Variants in CCT7 observed in about 807,000 individuals in gnomAD.
The protein encoded by CCT7 is T-complex protein 1 subunit eta.
Under a neutral mutation model 56.6 loss-of-function variants are expected in CCT7, and 16 were observed. The ratio of observed to expected loss-of-function variants is 0.28; its 90% CI spans 0.19 to 0.43. The LOEUF is 0.43. CCT7 is among the 20% of genes least tolerant of loss of function. CCT7 has a pLI of 1.00. For synonymous variants in CCT7, 262 were observed against 254.8 expected, an observed-to-expected ratio of 1.03 and a Z score of -0.27; for missense variants, 519 against 685.6, an observed-to-expected ratio of 0.76 and a Z score of 2.71.
At chr2:73,248,357 T>G in intron 7 of CCT7, among the ~76,000 whole-genome samples, 1 of 151,742 alleles carries the variant, frequency 6.6e-6, no homozygotes. Context: ...GGGTCTTTTT[T>G]TTTTTTCCTT....
Position 73,252,905 on chromosome 2 carries a change from C to G in CCT7, c.*44C>G. 2.7e-6 allele frequency: 4 copies of G among 1,456,416 alleles called. No individual in the cohort carries two copies. Among genetic ancestry groups the G allele is most frequent in the Non-Finnish European group, 3.8e-6 (4 of 1,045,738 alleles). 90.2% of individuals were successfully genotyped at this position (1,456,416 alleles called of 1,614,324 possible). On this transcript the variant is annotated 3_prime_UTR_variant, in exon 12 of 12. Coordinates refer to ENST00000258091, the MANE Select transcript of CCT7 (RefSeq NM_006429.4). ...CATGGCTGGCTGGCTGCTGGGTGCA[C>G]TTACCCTCCTTGGCTTGGTTACTTC...
At chr2:73,246,173 A>G (rs1378937027) in intron 6 of CCT7, among the ~76,000 whole-genome samples, 1 of 152,226 alleles carries the variant, frequency 6.6e-6, no homozygotes. Context: ...ACTTGTTACC[A>G]GGGTTAACTG....
At position 73,247,805 on chromosome 2, in the gene CCT7, C is replaced by T; in HGVS notation, c.662C>T (p.Ser221Phe). Residue 221 changes from serine to phenylalanine, a missense_variant, in exon 7 of 12, where the codon TCT (serine) becomes TTT (phenylalanine). By Grantham distance (155) the Ser-to-Phe change is radical. Transcript: ENST00000258091. ...GGTGTTGCATTCAAGAAGACTTTCT[C>T]TTACGCTGGGTTTGAAATGCAACCC... The part of the protein sequence containing the change: ...VAGVAFKKTF[S>F]YAGFEMQPKK... The T allele has an allele frequency of 6.2e-7, 1 of 1,614,128 alleles. No individual in the cohort carries two copies. Among genetic ancestry groups the T allele is most frequent in the Non-Finnish European group, 8.5e-7 (1 of 1,180,000 alleles).
intron 1 of CCT7, among the ~76,000 whole-genome samples, chr2:73,236,769 G>A (rs898019624): frequency 3.3e-5 from 5 of 152,180 alleles, no homozygotes; most frequent in African/African-American, 1.2e-4. Flanking sequence ...TGCTTGTCTT[G>A]GCTTGACTCA....
intron 6 of CCT7, 110 bp from the exon 7 acceptor site, chr2:73,247,652 A>G (rs1687401218): frequency 6.1e-6 from 5 of 813,126 alleles, no homozygotes; most frequent in Admixed American, 2.6e-5. Flanking sequence ...AAATAAAGAC[A>G]TGATTAGCTC....
rs917055239 is a variant in CCT7, at chr2:73,248,987, C to A, written c.784-4C>A. 6.2e-7 allele frequency: 1 copy of A among 1,610,750 alleles called. No individual in the cohort carries two copies. Among genetic ancestry groups the A allele is most frequent in the Non-Finnish European group, 8.5e-7 (1 of 1,178,646 alleles). On this transcript the variant is annotated splice_polypyrimidine_tract_variant and splice_region_variant and intron_variant, in intron 7 of 11. Transcript: ENST00000258091. ...CATTCTCATCCTTTTCTGGGTCTCTCCAGGATTATCAGGCAATTGTTGATG... is the reference window on the plus strand; with the variant it reads ...CATTCTCATCCTTTTCTGGGTCTCTACAGGATTATCAGGCAATTGTTGATG...
At chr2:73,251,472 G>GT in intron 11 of CCT7, 40 bp downstream of exon 11, 5 of 1,307,622 alleles carry the variant, frequency 3.8e-6, no homozygotes, top group Non-Finnish European at 5.5e-6. Context: ...GTTTGGGCGG[G>GT]TGGGGCTAGA....
intron 10 of CCT7, among the ~76,000 whole-genome samples, chr2:73,250,941 G>T (rs550089070): frequency 5.3e-5 from 8 of 151,958 alleles, no homozygotes; most frequent in African/African-American, 1.4e-4. Context: ...AGAAGAAAAA[G>T]ACTTCGTTTT....
At chr2:73,243,268 T>G (rs954968714) in intron 4 of CCT7, 139 bp downstream of exon 4, 2 of 860,090 alleles carry the variant, frequency 2.3e-6, no homozygotes, top group African/African-American at 3.4e-5. Flanking sequence ...CTTAGTAATC[T>G]CAGTTCTACT....
Position 73,240,466 on chromosome 2 carries a change from A to G in CCT7, c.190A>G (p.Thr64Ala). The G allele has an allele frequency of 6.2e-7, 1 of 1,612,446 alleles. No individual in the cohort carries two copies. ...AGCAACAATTTCTAATGATGGGGCC[A>G]CAATTCTGAAACTTCTTGATGTTGT... is the stretch of plus-strand genomic sequence containing the variant. ...GKATISNDGA[T>A]ILKLLDVVHP... is the part of the protein sequence containing the mutation. Residue 64 changes from threonine to alanine, a missense_variant, in exon 3 of 12, where the codon ACA (threonine) becomes GCA (alanine). This residue lies in a region of CCT7 where 276 missense variants were observed against 357.3 expected (regional missense o/e 0.77). Coordinates refer to ENST00000258091, the MANE Select transcript of CCT7 (RefSeq NM_006429.4).
Position 73,252,684 on chromosome 2 carries a change from T to C in CCT7, c.1455T>C (p.Ala485=). Residue 485 remains alanine, a synonymous_variant, in exon 12 of 12, where the codon GCT becomes GCC. Transcript: ENST00000258091. ...YGVDINNEDI[A]DNFEAFVWEP... ...TAGACATCAACAACGAGGACATTGCTGACAACTTTGAAGCTTTCGTGTGGG... is the reference window on the plus strand; with the variant it reads ...TAGACATCAACAACGAGGACATTGCCGACAACTTTGAAGCTTTCGTGTGGG... 6.2e-7 allele frequency: 1 copy of C among 1,614,202 alleles called. No homozygotes were observed. The highest frequency in any genetic ancestry group is 2.2e-5 in the East Asian group (1 of 44,880).
In CCT7 at chr2:73,250,464, G is replaced by A. The variant is rs1350663808; in HGVS notation, c.1203+26G>A. ...GTACTGGGCTGATATCCTCCTGCTTGCACAGCCTACTCTCTCCTATCTCCC... is the reference window on the plus strand; with the variant it reads ...GTACTGGGCTGATATCCTCCTGCTTACACAGCCTACTCTCTCCTATCTCCC... On this transcript the variant is annotated intron_variant, in intron 10 of 11. Coordinates refer to ENST00000258091, the MANE Select transcript of CCT7 (RefSeq NM_006429.4). 1.9e-6 allele frequency: 3 copies of A among 1,612,680 alleles called. No individual in the cohort carries two copies. The Admixed American group carries it at 5.0e-5, about 27-fold the overall frequency.
intron 7 of CCT7, 50 bp downstream of exon 7, chr2:73,247,976 A>G: frequency 6.4e-7 from 1 of 1,562,210 alleles, no homozygotes; most frequent in Non-Finnish European, 8.8e-7. Flanking sequence ...CAGCTTTCTG[A>G]GCCAGAGCCC....
intron 7 of CCT7, among the ~76,000 whole-genome samples, chr2:73,248,640 C>G (rs1193971580): frequency 1.3e-5 from 2 of 152,148 alleles, no homozygotes; most frequent in African/African-American, 4.8e-5. Flanking sequence ...CAGGCATGAG[C>G]CACTGTGCCC....
rs1343594314 is a variant in CCT7 at position 73,250,394 on chromosome 2, C to T, written c.1159C>T (p.Arg387Trp). 4 of 1,613,940 alleles carry T rather than the reference C, an allele frequency of 2.5e-6. No individual in the cohort carries two copies. The highest frequency in any genetic ancestry group is 1.6e-4 in the Middle Eastern group (1 of 6,080). ...CGAGCAGTTTATGGAGGAGACAGAG[C>T]GGTCCCTGCATGATGCCATCATGAT... is the stretch of plus-strand genomic sequence containing the variant. ...GAEQFMEETE[R>W]SLHDAIMIVR... Residue 387 changes from arginine (R) to tryptophan (W), a missense_variant, in exon 10 of 12, where the codon CGG becomes TGG. Physicochemically the swap from Arg to Trp is moderately radical, Grantham distance 101 (BLOSUM62 -3). Coordinates refer to ENST00000258091, the MANE Select transcript of CCT7 (RefSeq NM_006429.4).
chr2:73,240,643 A>T, intron 3 of CCT7, 100 bp downstream of exon 3: 1 of 579,886 alleles, frequency 1.7e-6, no homozygotes, highest in Non-Finnish European at 2.9e-6. Context: ...ATATAATTAT[A>T]ATTGTACAAG....
intron 10 of CCT7, 136 bp from the exon 11 acceptor site, chr2:73,251,090 C>A (rs1340061167): frequency 5.4e-6 from 4 of 736,814 alleles, no homozygotes; most frequent in African/African-American, 5.2e-5. Context: ...GGGGCTGTGT[C>A]TGGGCGTTTG....
At chr2:73,250,221 T>C in intron 9 of CCT7, 85 bp from the exon 10 acceptor site, 1 of 1,508,786 alleles carries the variant, frequency 6.6e-7, no homozygotes, top group Non-Finnish European at 9.1e-7. Flanking sequence ...AGCTGCTGAG[T>C]GTTGGGGGGG....
chr2:73,239,346 A>G, intron 1 of CCT7: 1 of 266,700 alleles, frequency 3.7e-6, no homozygotes. Flanking sequence ...GAAGTTGAAA[A>G]GGCCATGGTC....
Sources: gnomAD v4.1 joint callset for allele counts (sites outside exome capture counted in the v4.1 genomes callset) on GRCh38, gnomAD v4.1.1 for gene constraint, gnomAD v4.1.1 regional missense constraint, MANE v1.5 for transcripts, NCBI Gene and HGNC (gene_info 2026-07-23, HGNC 2026-07-21) for gene names.